WHRN: variants seen among roughly 807,000 people sequenced by gnomAD.
WHRN encodes the protein whirlin.
Under a neutral mutation model 68.3 loss-of-function variants are expected in WHRN, and 41 were observed. The observed-to-expected ratio is 0.60, with a 90% confidence interval of 0.47 to 0.78. WHRN has a LOEUF of 0.78. Ranked by LOEUF, WHRN falls within the 30% of genes least tolerant of loss-of-function variation. The pLI, the probability that WHRN is intolerant of heterozygous loss-of-function variation, is 0.00. For missense variants in WHRN, 1,243 were observed against 1,244.7 expected, an observed-to-expected ratio of 1.00 and a Z score of 0.02; for synonymous variants, 560 against 561.3, an observed-to-expected ratio of 1.00 and a Z score of 0.03.
In WHRN at chr9:114,504,752, G is replaced by C; in HGVS notation, c.50C>G (p.Ser17Trp). ...GCCCGCCCCGGCCGCCGAGCCCAGC[G>C]AGCCGGTGGAGGACGAGCTCACCGA... ...GLSVSSSSTG[S>W]LGSAAGAGGG... The change falls in exon 1 of 12, where the codon TCG becomes TGG. Residue 17 changes from serine (S) to tryptophan (W), a missense_variant. Transcript: ENST00000362057. The C allele has an allele frequency of 6.6e-7, 1 of 1,508,430 alleles. No individual in the cohort carries two copies. The highest frequency in any genetic ancestry group is 1.2e-5 in the South Asian group (1 of 80,030). The allele number at this position is 1,508,430 out of a possible 1,614,324, so 93.4% of individuals were successfully genotyped here.
At chr9:114,415,475 C>A (rs1835751810) in intron 7 of WHRN, among the ~76,000 whole-genome samples, 1 of 152,188 alleles carries the variant, frequency 6.6e-6, no homozygotes, top group Non-Finnish European at 1.5e-5. Context: ...GGCCCTCAGA[C>A]ATGCCCCACC....
At chr9:114,466,934 G>A (rs1225991255) in intron 2 of WHRN, among the ~76,000 whole-genome samples, 2 of 149,054 alleles carry the variant, frequency 1.3e-5, no homozygotes, top group East Asian at 2.0e-4. Flanking sequence ...ATCATCTCAG[G>A]GGTCTCCTGT....
intron 1 of WHRN, among the ~76,000 whole-genome samples, chr9:114,492,451 G>C (rs1324631): frequency 0.31 from 47,538 of 152,122 alleles, 8,225 homozygotes; most frequent in Non-Finnish European, 0.38. Context: ...AAAAATCACA[G>C]TGTAGAAACA....
At chr9:114,432,942 C>T (rs1837543919) in intron 3 of WHRN, among the ~76,000 whole-genome samples, 1 of 152,212 alleles carries the variant, frequency 6.6e-6, no homozygotes, top group Non-Finnish European at 1.5e-5. Context: ...TTTCCACCTA[C>T]CTTCCCCAGG....
chr9:114,402,929 C>A lies in WHRN; in HGVS notation c.2549G>T (p.Gly850Val). 2 of 1,610,750 alleles carry A rather than the reference C, an allele frequency of 1.2e-6. No individual in the cohort carries two copies. Among genetic ancestry groups the A allele is most frequent in the Non-Finnish European group, 1.7e-6 (2 of 1,178,822 alleles). The change falls in exon 12 of 12, where the codon GGC (glycine) becomes GTC (valine). Residue 850 changes from glycine to valine, a missense_variant. Physicochemically the swap from Gly to Val is moderately radical, Grantham distance 109. Transcript: ENST00000362057. ...LPRIVTIQRG[G>V]SAHNCGQLKV... is the part of the protein sequence containing the mutation. ...GAGCTGCCCACAGTTGTGAGCTGAG[C>A]CGCCTCTCTGCAGGGAGGAGACACA...
intron 3 of WHRN, among the ~76,000 whole-genome samples, chr9:114,432,934 T>C (rs1044987464): frequency 6.6e-6 from 1 of 152,110 alleles, no homozygotes; most frequent in Admixed American, 6.6e-5. Flanking sequence ...CCTCTACCTT[T>C]CCACCTACCT....
chr9:114,425,604 C>A (rs1019453341), intron 4 of WHRN: 1 of 230,690 alleles, frequency 4.3e-6, no homozygotes. Flanking sequence ...CACACACACA[C>A]ACACACACAC....
At chr9:114,473,245 G>C (rs1841389703) in intron 2 of WHRN, among the ~76,000 whole-genome samples, 1 of 152,250 alleles carries the variant, frequency 6.6e-6, no homozygotes, top group East Asian at 1.9e-4. Flanking sequence ...GGGCATCTGA[G>C]TTCTACAAAT....
At chr9:114,438,613 C>A (rs1331163839) in intron 3 of WHRN, among the ~76,000 whole-genome samples, 1 of 151,986 alleles carries the variant, frequency 6.6e-6, no homozygotes, top group Non-Finnish European at 1.5e-5. Flanking sequence ...CCACCACGCC[C>A]AGCTAATTTT....
At chr9:114,411,066 A>G (rs1835400428) in intron 7 of WHRN, among the ~76,000 whole-genome samples, 1 of 152,236 alleles carries the variant, frequency 6.6e-6, no homozygotes, top group Non-Finnish European at 1.5e-5. Context: ...GCCTGGCACA[A>G]TGTACGAGGA....
chr9:114,412,287 C>A (rs1056844437), intron 7 of WHRN, among the ~76,000 whole-genome samples: 1 of 152,206 alleles, frequency 6.6e-6, no homozygotes, highest in Non-Finnish European at 1.5e-5. Context: ...GCGGAACAGG[C>A]TTCCAGAGGA....
rs1844288018 is a variant in WHRN, at chr9:114,505,109, G to A, written c.-308C>T. The A allele has an allele frequency of 3.0e-6, 1 of 336,408 alleles. No homozygotes were observed. The allele number at this position is 336,408 out of a possible 1,614,324, so 20.8% of individuals were successfully genotyped here. On this transcript the variant is annotated 5_prime_UTR_variant, in exon 1 of 12. Coordinates refer to ENST00000362057, the MANE Select transcript of WHRN (RefSeq NM_015404.4). ...GGAGGTGGCGGAGACTGCTGCTGGA[G>A]TCCGGGGGGCGCGGGGTCAGCAGCT...
intron 7 of WHRN, among the ~76,000 whole-genome samples, chr9:114,418,855 C>A (rs563901589): frequency 6.6e-6 from 1 of 152,310 alleles, no homozygotes; most frequent in Non-Finnish European, 1.5e-5. Flanking sequence ...ATTTAGCTTA[C>A]TGTGTATTTC....
chr9:114,402,968 C>A, intron 11 of WHRN, 32 bp from the exon 12 acceptor site: 1 of 1,593,132 alleles, frequency 6.3e-7, no homozygotes, highest in East Asian at 2.3e-5. Context: ...CATGGGGTGC[C>A]CAAGGGTTAG....
chr9:114,476,228 A>G (rs1841636270), intron 2 of WHRN, among the ~76,000 whole-genome samples: 1 of 152,058 alleles, frequency 6.6e-6, no homozygotes, highest in Non-Finnish European at 1.5e-5. Context: ...TCAGCCTCCC[A>G]AAGAGCTGGG....
intron 3 of WHRN, among the ~76,000 whole-genome samples, chr9:114,463,015 A>C (rs1378006043): frequency 2.0e-5 from 3 of 152,110 alleles, no homozygotes; most frequent in African/African-American, 7.2e-5. Flanking sequence ...CTTAATGTGG[A>C]TTTAATCAGA....
chr9:114,421,252 C>T (rs1046316690), intron 7 of WHRN, among the ~76,000 whole-genome samples: 1 of 152,242 alleles, frequency 6.6e-6, no homozygotes, highest in Non-Finnish European at 1.5e-5. Context: ...GGGATCTGGA[C>T]TGGCCCCAGA....
chr9:114,459,461 T>TG (rs1554728153), intron 3 of WHRN, among the ~76,000 whole-genome samples: 1 of 151,666 alleles, frequency 6.6e-6, no homozygotes, highest in South Asian at 2.1e-4. Flanking sequence ...AGAGTTCATC[T>TG]AAAAAAAACA....
chr9:114,504,914 G>C lies in WHRN; in HGVS notation c.-113C>G, dbSNP rs934014689. Reference sequence around the variant, plus strand: ...CCCGGGAGCGCGGAGACGACGGCTGGAGCCTGGGTTTGGGGAGCACGGGTA... The same window carrying C: ...CCCGGGAGCGCGGAGACGACGGCTGCAGCCTGGGTTTGGGGAGCACGGGTA... On this transcript the variant is annotated 5_prime_UTR_variant, in exon 1 of 12. Transcript: ENST00000362057. 2 of 1,316,758 alleles carry C rather than the reference G, an allele frequency of 1.5e-6. No homozygotes were observed. The highest frequency in any genetic ancestry group is 1.9e-6 in the Non-Finnish European group (2 of 1,038,570). 81.6% of individuals were successfully genotyped at this position (1,316,758 alleles called of 1,614,324 possible). A position where few individuals can be genotyped will look rare whatever the true frequency, so the allele number is the denominator to read the frequency against.
Sources: allele counts gnomAD v4.1 joint callset (sites outside exome capture counted in the v4.1 genomes callset), GRCh38; gene constraint gnomAD v4.1.1; transcripts MANE v1.5; gene names NCBI Gene and HGNC (gene_info 2026-07-23, HGNC 2026-07-21).